The following GRIA4 variants were observed in gnomAD, a reference collection of about 807,000 sequenced individuals.
The protein encoded by GRIA4 is glutamate ionotropic receptor AMPA type subunit 4, also known as glutamate receptor 4.
Under a neutral mutation model 104.0 loss-of-function variants are expected in GRIA4, and 34 were observed. The ratio of observed to expected loss-of-function variants is 0.33; its 90% CI spans 0.25 to 0.44. The LOEUF is 0.44. Among genes scored for constraint, GRIA4 ranks in the 20% least tolerant of loss-of-function variants. The pLI is 1.00. For missense variants in GRIA4, 750 were observed against 1,096.5 expected, an observed-to-expected ratio of 0.68 and a Z score of 4.46; for synonymous variants, 386 against 381.9, an observed-to-expected ratio of 1.01 and a Z score of -0.13.
Position 105,701,241 on chromosome 11 carries a change from C to T in GRIA4, c.248-51740C>T, listed in dbSNP as rs552710612. ...TGCTTGCTTACTTTGCTTTTTTAAC[C>T]GCTAGCTTACAAATATATCTTCTGT... On this transcript the variant is annotated intron_variant, in intron 3 of 16. Coordinates refer to ENST00000282499, the MANE Select transcript of GRIA4 (RefSeq NM_000829.4). Among the ~76,000 whole-genome samples the T allele has an allele frequency of 5.1e-4, 78 of 152,204 alleles. 2 individuals are homozygous for T. In the South Asian group the frequency reaches 0.015, roughly 29 times the overall value.
At chr11:105,958,149 T>A (rs1419182197) in intron 14 of GRIA4, among the ~76,000 whole-genome samples, 1 of 152,218 alleles carries the variant, frequency 6.6e-6, no homozygotes, top group Non-Finnish European at 1.5e-5. Context: ...CAACACTATG[T>A]TGAATAGGAG....
chr11:105,908,527 T>A (rs868264673), intron 9 of GRIA4, among the ~76,000 whole-genome samples: 5 of 151,640 alleles, frequency 3.3e-5, no homozygotes, highest in Admixed American at 3.3e-4. Context: ...ATGGTCCACA[T>A]GAAATCTACC....
chr11:105,858,859 T>C (rs1024021573), intron 4 of GRIA4, among the ~76,000 whole-genome samples: 2 of 152,132 alleles, frequency 1.3e-5, no homozygotes, highest in African/African-American at 4.8e-5. Context: ...ATGTAGTAGG[T>C]TTTCAGTAAA....
rs147761677 is a variant in GRIA4 at position 105,876,757 on chromosome 11, C to T, written c.673-10762C>T. 4.0e-5 allele frequency among the ~76,000 whole-genome samples: 6 copies of T among 151,784 alleles called. No individual in the cohort carries two copies. The East Asian group carries it at 9.7e-4, about 24-fold the overall frequency. On this transcript the variant is annotated intron_variant, in intron 5 of 16. Coordinates refer to ENST00000282499, the MANE Select transcript of GRIA4 (RefSeq NM_000829.4). ...GCAACCCCTGCTTTTTTTTGCTTTCCATTTGCTTGATAAATCTTCCTCCAT... is the reference window on the plus strand; with the variant it reads ...GCAACCCCTGCTTTTTTTTGCTTTCTATTTGCTTGATAAATCTTCCTCCAT...
chr11:105,629,318 T>C (rs1950972332), intron 3 of GRIA4, among the ~76,000 whole-genome samples: 1 of 151,802 alleles, frequency 6.6e-6, no homozygotes, highest in Non-Finnish European at 1.5e-5. Flanking sequence ...TTCCATTTAG[T>C]GATAGTAATA....
chr11:105,925,950 C>T (rs1055554908), intron 12 of GRIA4, among the ~76,000 whole-genome samples: 4 of 152,014 alleles, frequency 2.6e-5, no homozygotes, highest in African/African-American at 9.7e-5. Flanking sequence ...TTTTTTTACT[C>T]ACCCCCTTCT....
At chr11:105,621,186 T>C (rs1180316586) in intron 3 of GRIA4, among the ~76,000 whole-genome samples, 1 of 151,880 alleles carries the variant, frequency 6.6e-6, no homozygotes, top group Non-Finnish European at 1.5e-5. Flanking sequence ...TTGTTGCTGA[T>C]ATGTTTATTC....
At chr11:105,900,870 G>C (rs1240445935) in intron 7 of GRIA4, among the ~76,000 whole-genome samples, 2 of 152,160 alleles carry the variant, frequency 1.3e-5, no homozygotes, top group Admixed American at 1.3e-4. Flanking sequence ...GAGCCACTGC[G>C]CCTGGCCCAG....
Position 105,924,431 on chromosome 11 carries a change from C to A in GRIA4, c.1509C>A (p.Ile503=). Residue 503 remains isoleucine (I), a synonymous_variant, in exon 12 of 17, where the codon ATC becomes ATA. Coordinates refer to ENST00000282499, the MANE Select transcript of GRIA4 (RefSeq NM_000829.4). ...KAEIAIAPLT[I]TLVREEVIDF... The stretch of plus-strand genomic sequence containing the variant: ...AGATTGCTATTGCCCCTCTGACAAT[C>A]ACTTTGGTACGAGAGGAGGTCATTG... The A allele has an allele frequency of 6.2e-7, 1 of 1,602,364 alleles. No homozygotes were observed. Among genetic ancestry groups the A allele is most frequent in the South Asian group, 1.1e-5 (1 of 90,512 alleles).
At chr11:105,968,769 A>G (rs1323856003) in intron 14 of GRIA4, among the ~76,000 whole-genome samples, 1 of 152,230 alleles carries the variant, frequency 6.6e-6, no homozygotes, top group Non-Finnish European at 1.5e-5. Context: ...GCAAAAATTT[A>G]CTACTTGACA....
intron 3 of GRIA4, among the ~76,000 whole-genome samples, chr11:105,637,014 T>C (rs772136120): frequency 2.6e-5 from 4 of 152,208 alleles, no homozygotes; most frequent in Non-Finnish European, 5.9e-5. Flanking sequence ...TTTAGTGATA[T>C]TGTTAATCTA....
intron 4 of GRIA4, among the ~76,000 whole-genome samples, chr11:105,805,275 A>G (rs538727862): frequency 5.9e-5 from 9 of 151,898 alleles, no homozygotes; most frequent in Admixed American, 2.6e-4. Flanking sequence ...GTGACTCATC[A>G]GTGAAAAGAT....
chr11:105,615,836 G>A lies in GRIA4; in HGVS notation c.247+3402G>A, dbSNP rs538285135. On this transcript the variant is annotated intron_variant, in intron 3 of 16. Coordinates refer to ENST00000282499, the MANE Select transcript of GRIA4 (RefSeq NM_000829.4). ...TATTTTGATTTGGAGGATGAGATATGTTCAGTTTGACCAAGAGTAATAACA... is the reference window on the plus strand; with the variant it reads ...TATTTTGATTTGGAGGATGAGATATATTCAGTTTGACCAAGAGTAATAACA... 3.3e-5 allele frequency among the ~76,000 whole-genome samples: 5 copies of A among 151,766 alleles called. No individual in the cohort carries two copies. The South Asian group carries it at 1.0e-3, about 31-fold the overall frequency.
At chr11:105,637,207 T>C (rs1951228714) in intron 3 of GRIA4, among the ~76,000 whole-genome samples, 1 of 152,168 alleles carries the variant, frequency 6.6e-6, no homozygotes, top group African/African-American at 2.4e-5. Context: ...TTTGTTATCC[T>C]TAACATTGGA....
Position 105,926,786 on chromosome 11 carries a change from A to G in GRIA4, c.1893A>G (p.Thr631=), listed in dbSNP as rs770965865. ...RIVGGVWWFF[T]LIIISSYTAN... ...TTGGAGGTGTTTGGTGGTTCTTTAC[A>G]CTCATCATTATATCATCTTATACTG... Residue 631 remains threonine (T), a synonymous_variant, in exon 13 of 17, where the codon ACA becomes ACG. Transcript: ENST00000282499. The G allele has an allele frequency of 3.7e-5, 59 of 1,610,350 alleles. No individual in the cohort carries two copies. The highest frequency in any genetic ancestry group is 1.7e-4 in the Admixed American group (10 of 59,874).
At chr11:105,750,094 A>C (rs1939911748) in intron 3 of GRIA4, among the ~76,000 whole-genome samples, 1 of 152,170 alleles carries the variant, frequency 6.6e-6, no homozygotes. Flanking sequence ...TATGCTAAGC[A>C]ACAATAGATG....
intron 11 of GRIA4, among the ~76,000 whole-genome samples, chr11:105,922,357 A>T (rs1436637490): frequency 1.3e-5 from 2 of 152,166 alleles, no homozygotes; most frequent in East Asian, 3.8e-4. Context: ...AGAAATTTGC[A>T]TAATCTTTCT....
Position 105,611,990 on chromosome 11 carries a change from T to G in GRIA4, c.89-286T>G, listed in dbSNP as rs550446638. On this transcript the variant is annotated intron_variant, in intron 2 of 16. Transcript: ENST00000282499. ...TGCCCTGAGGTGGCTGATGTAGCAGTGTGCTGGGAATCAGGGGGAGGGCAA... is the reference window on the plus strand; with the variant it reads ...TGCCCTGAGGTGGCTGATGTAGCAGGGTGCTGGGAATCAGGGGGAGGGCAA... Among the ~76,000 whole-genome samples, 5 of 152,202 alleles carry G rather than the reference T, an allele frequency of 3.3e-5. No individual in the cohort carries two copies. The East Asian group carries it at 9.7e-4, about 29-fold the overall frequency.
chr11:105,610,602 G>A (rs1950444963), intron 1 of GRIA4, 174 bp downstream of exon 1: 2 of 173,578 alleles, frequency 1.2e-5, no homozygotes, highest in African/African-American at 2.4e-5. Context: ...CGGCGCCAGT[G>A]TTTGTGTGTA....
Sources: gnomAD v4.1 joint callset for allele counts (sites outside exome capture counted in the v4.1 genomes callset) on GRCh38, gnomAD v4.1.1 for gene constraint, MANE v1.5 for transcripts, NCBI Gene and HGNC (gene_info 2026-07-23, HGNC 2026-07-21) for gene names.